Variants in TRIM5 observed in about 807,000 individuals in gnomAD.
TRIM5 encodes tripartite motif containing 5.
Under a neutral mutation model 35.6 loss-of-function variants are expected in TRIM5, and 31 were observed. The ratio of observed to expected loss-of-function variants is 0.87; its 90% CI spans 0.65 to 1.18. The LOEUF is 1.18. Ranked by LOEUF, TRIM5 falls within the 50% of genes most tolerant of loss-of-function variation. The pLI is 0.00. For synonymous variants in TRIM5, 243 were observed against 215.6 expected (o/e 1.13, Z -1.11); for missense variants, 609 against 591.6 (o/e 1.03, Z -0.31).
chr11:5,676,505 C>A (rs1214566277), intron 4 of TRIM5, among the ~76,000 whole-genome samples: 1 of 152,136 alleles, frequency 6.6e-6, no homozygotes, highest in Non-Finnish European at 1.5e-5. Flanking sequence ...TAGGAAGAAT[C>A]AATATCGTGA....
the TRIM5 span, among the ~76,000 whole-genome samples, chr11:5,622,393 C>T: frequency 6.7e-6 from 1 of 150,168 alleles, no homozygotes; most frequent in African/African-American, 2.5e-5. Context: ...TGTAGTGAGC[C>T]GAGATCACGC....
intron 4 of TRIM5, chr11:5,670,090 A>T (rs1265963683): frequency 6.5e-6 from 1 of 154,010 alleles, no homozygotes; most frequent in East Asian, 1.9e-4. Flanking sequence ...AAACCCCAGC[A>T]GAAAGGAGAA....
the TRIM5 span, chr11:5,624,688 T>C: frequency 6.6e-6 from 1 of 152,190 alleles, no homozygotes; most frequent in Admixed American, 6.5e-5. Context: ...CTTAGCGGCA[T>C]CTGTGACCTG....
intron 4 of TRIM5, among the ~76,000 whole-genome samples, chr11:5,668,328 A>G (rs187184171): frequency 4.6e-5 from 7 of 152,308 alleles, no homozygotes; most frequent in Non-Finnish European, 7.4e-5. Flanking sequence ...ATATAAACTT[A>G]TTCTCCAGGC....
downstream of TRIM5, among the ~76,000 whole-genome samples, chr11:5,662,516 G>A (rs1163130171): frequency 1.3e-5 from 2 of 152,158 alleles, no homozygotes; most frequent in Non-Finnish European, 2.9e-5. Context: ...AATGCCACAT[G>A]TACTTCTGAC....
At position 5,678,110 on chromosome 11, in the gene TRIM5, A is replaced by T. The variant is rs557679967; in HGVS notation, c.744+94T>A. 7.4e-5 allele frequency: 80 copies of T among 1,081,132 alleles called. 1 individual carries two copies. In the South Asian group the frequency reaches 1.3e-3, roughly 18 times the overall value. 67.0% of individuals were successfully genotyped at this position (1,081,132 alleles called of 1,614,324 possible). ...TCAGAAAAGCGGTCCTGCAGAGAACATTGTTAATATTAGAAAAAGCACAGC... is the reference window on the plus strand; with the variant it reads ...TCAGAAAAGCGGTCCTGCAGAGAACTTTGTTAATATTAGAAAAAGCACAGC... On this transcript the variant is annotated intron_variant, in intron 4 of 7. Coordinates refer to ENST00000380034, the MANE Select transcript of TRIM5 (RefSeq NM_033034.3).
the TRIM5 span, chr11:5,643,622 T>G: frequency 1.2e-6 from 2 of 1,614,062 alleles, no homozygotes; most frequent in Non-Finnish European, 1.7e-6. Context: ...ACAAGTTCTC[T>G]AAATGTTGCT....
downstream of TRIM5, among the ~76,000 whole-genome samples, chr11:5,659,955 T>C (rs1360424088): frequency 6.6e-6 from 1 of 152,184 alleles, no homozygotes; most frequent in Non-Finnish European, 1.5e-5. Flanking sequence ...ACCATCATTT[T>C]CTAGTTGCTA....
At chr11:5,601,247 T>C in the TRIM5 span, among the ~76,000 whole-genome samples, 6 of 152,286 alleles carry the variant, frequency 3.9e-5, no homozygotes, top group South Asian at 2.1e-4. Context: ...AGTTATGAGT[T>C]TGAGGACGAA....
At chr11:5,659,176 G>A (rs1197472522), downstream of TRIM5, among the ~76,000 whole-genome samples, 1 of 151,970 alleles carries the variant, frequency 6.6e-6, no homozygotes, top group African/African-American at 2.4e-5. Context: ...TGTAACACAT[G>A]TCCGCGGGGC....
the TRIM5 span, among the ~76,000 whole-genome samples, chr11:5,622,712 G>A: frequency 6.6e-6 from 1 of 152,142 alleles, no homozygotes; most frequent in South Asian, 2.1e-4. Context: ...CAGAACTGAT[G>A]GGCTAAGGTA....
chr11:5,617,486 CTTTT>C, the TRIM5 span, among the ~76,000 whole-genome samples: 12 of 107,472 alleles, frequency 1.1e-4, 2 homozygotes, highest in Non-Finnish European at 1.8e-4. Flanking sequence ...TGGACTCAAT[CTTTT>C]TTTTTTTTTT....
At chr11:5,667,382 T>A (rs1851223737) in intron 5 of TRIM5, among the ~76,000 whole-genome samples, 1 of 152,044 alleles carries the variant, frequency 6.6e-6, no homozygotes, top group Non-Finnish European at 1.5e-5. Flanking sequence ...AATTTTTGTA[T>A]TTTTTTGATA....
chr11:5,664,109 G>A lies in TRIM5; in HGVS notation c.*700C>T. The A allele has an allele frequency of 2.7e-6, 1 of 364,770 alleles. No individual in the cohort carries two copies. Among genetic ancestry groups the A allele is most frequent in the Non-Finnish European group, 3.8e-6 (1 of 264,866 alleles). 22.6% of individuals were successfully genotyped at this position (364,770 alleles called of 1,614,324 possible). A position where few individuals can be genotyped will look rare whatever the true frequency, so the allele number is the denominator to read the frequency against. ...CCAGCTACTTGGGAGGCTGAGGCAG[G>A]AGAATTGCTTGAATCTGAGAGGTGG... is the stretch of plus-strand genomic sequence containing the variant. On this transcript the variant is annotated 3_prime_UTR_variant, in exon 8 of 8. Transcript: ENST00000380034.
the TRIM5 span, chr11:5,610,392 G>T: frequency 0.98 from 1,537,009 of 1,569,346 alleles, 757,047 homozygotes; most frequent in East Asian, 1. Context: ...AGAAGATGCG[G>T]TTTGTATTTA....
the TRIM5 span, among the ~76,000 whole-genome samples, chr11:5,623,105 CT>C: frequency 0.3 from 31,783 of 106,766 alleles, 3,166 homozygotes; most frequent in African/African-American, 0.4. Context: ...CTGTCTGGAG[CT>C]TTTTTTTTTT....
intron 4 of TRIM5, among the ~76,000 whole-genome samples, chr11:5,670,265 C>T (rs1292978061): frequency 6.8e-6 from 1 of 146,576 alleles, no homozygotes; most frequent in African/African-American, 2.6e-5. Flanking sequence ...GCAAGCTCTG[C>T]CTCCTGGGTT....
At chr11:5,678,105 A>T in intron 4 of TRIM5, 99 bp downstream of exon 4, 1 of 1,030,784 alleles carries the variant, frequency 9.7e-7, no homozygotes, top group Non-Finnish European at 1.4e-6. Context: ...GGTCCTGCAG[A>T]GAACATTGTT....
the TRIM5 span, among the ~76,000 whole-genome samples, chr11:5,646,046 A>T: frequency 1.5e-5 from 2 of 133,176 alleles, no homozygotes; most frequent in East Asian, 8.1e-4. Context: ...TAAATATATT[A>T]GATTATATAT....
Sources: allele counts gnomAD v4.1 joint callset (sites outside exome capture counted in the v4.1 genomes callset), GRCh38; gene constraint gnomAD v4.1.1; transcripts MANE v1.5; gene names NCBI Gene and HGNC (gene_info 2026-07-23, HGNC 2026-07-21).